Variants in DMPK observed in about 807,000 individuals in gnomAD.
DMPK encodes myotonin-protein kinase.
DMPK carries 32 observed loss-of-function variants against 70.3 expected under a neutral mutation model. That is an observed-to-expected ratio of 0.46 (90% CI 0.34 to 0.61). The LOEUF is 0.61. Ranked by LOEUF, DMPK falls within the 20% of genes least tolerant of loss-of-function variation. DMPK has a pLI of 0.01. For synonymous variants in DMPK, 469 were observed against 390.9 expected, an observed-to-expected ratio of 1.20 and a Z score of -2.36; for missense variants, 899 against 886.0, an observed-to-expected ratio of 1.01 and a Z score of -0.19.
At chr19:45,772,507 T>C in intron 10 of DMPK, 134 bp downstream of exon 10, 1 of 564,952 alleles carries the variant, frequency 1.8e-6, no homozygotes, top group Non-Finnish European at 3.1e-6. Context: ...TGAAGTAACC[T>C]CGTCTCTCCG....
intron 4 of DMPK, chr19:45,778,982 C>G: frequency 3.4e-6 from 2 of 580,590 alleles, no homozygotes; most frequent in Non-Finnish European, 6.1e-6. Flanking sequence ...CGTTAGAATT[C>G]CTGAAGACCT....
intron 1 of DMPK, among the ~76,000 whole-genome samples, chr19:45,781,065 C>T (rs1568587042): frequency 6.6e-6 from 1 of 152,118 alleles, no homozygotes; most frequent in African/African-American, 2.4e-5. Context: ...ATGGCCTGGC[C>T]CTTCTTGGCC....
intron 12 of DMPK, 35 bp downstream of exon 12, chr19:45,771,533 G>A (rs1461149403): frequency 1.9e-6 from 3 of 1,613,172 alleles, no homozygotes; most frequent in Admixed American, 3.3e-5. Context: ...ACCTCCTCCC[G>A]GTCCTCCGGG....
chr19:45,777,143 G>A lies in DMPK; in HGVS notation c.1146+184C>T. 1.2e-6 allele frequency: 1 copy of A among 813,216 alleles called. No individual in the cohort carries two copies. The highest frequency in any genetic ancestry group is 1.8e-6 in the Non-Finnish European group (1 of 541,928). 50.4% of individuals were successfully genotyped at this position (813,216 alleles called of 1,614,324 possible). A position where few individuals can be genotyped will look rare whatever the true frequency, so the allele number is the denominator to read the frequency against. On this transcript the variant is annotated intron_variant, in intron 8 of 14. Transcript: ENST00000291270. This position sits in a 1 kb window ranked among gnomAD's most constrained non-coding sequence, Gnocchi z 6.7. ...GGCCTTACTGTCTGAAGACTGCTCT[G>A]TGTTCCCCCACTGGACTGTAAGTCT...
intron 9 of DMPK, among the ~76,000 whole-genome samples, chr19:45,773,101 C>T (rs1969568089): frequency 6.6e-6 from 1 of 152,166 alleles, no homozygotes; most frequent in Admixed American, 6.5e-5. Context: ...GGGAGGCCGA[C>T]CTGATGGGGA....
chr19:45,771,445 G>A (rs763102565), intron 12 of DMPK, 49 bp from the exon 13 acceptor site: 5 of 1,610,764 alleles, frequency 3.1e-6, no homozygotes, highest in Admixed American at 3.4e-5. Flanking sequence ...GCGAAGGAGG[G>A]CGGTGGCGCG....
intron 14 of DMPK, 99 bp from the exon 15 acceptor site, chr19:45,770,739 G>A: frequency 7.3e-7 from 1 of 1,361,656 alleles, no homozygotes; most frequent in Non-Finnish European, 1.0e-6. Context: ...ACTCTTCCCT[G>A]CGCCCCGCCC....
intron 1 of DMPK, chr19:45,780,735 T>C: frequency 4.6e-6 from 2 of 439,142 alleles, no homozygotes; most frequent in South Asian, 9.0e-5. Context: ...AGAGAGGGGT[T>C]CCGGGGGGTT....
In DMPK at chr19:45,770,106, C is replaced by G; in HGVS notation, c.*382G>C. 1 of 592,736 alleles carries G rather than the reference C, an allele frequency of 1.7e-6. No homozygotes were observed. Among genetic ancestry groups the G allele is most frequent in the Non-Finnish European group, 3.0e-6 (1 of 330,372 alleles). The allele number at this position is 592,736 out of a possible 1,614,324, so 36.7% of individuals were successfully genotyped here. A position where few individuals can be genotyped will look rare whatever the true frequency, so the allele number is the denominator to read the frequency against. On this transcript the variant is annotated 3_prime_UTR_variant, in exon 15 of 15. Transcript: ENST00000291270. The stretch of plus-strand genomic sequence containing the variant: ...AGGTGGGGGTGCGTGGAGGATGGAA[C>G]ACGGACGGCCCGGCTTGCTGCCTTC...
intron 1 of DMPK, chr19:45,780,389 A>G: frequency 6.9e-7 from 1 of 1,451,812 alleles, no homozygotes. Context: ...GGGCTGGGGG[A>G]AGGAACAGGA....
rs528187884 is a variant in DMPK, at chr19:45,777,612, G to A, written c.883-22C>T. ...GCTCCTGCTCAGAGGGAGAGGAGGC[G>A]ATAGCCTGGGAGCGCCTACCGGGAG... On this transcript the variant is annotated intron_variant, in intron 7 of 14. Transcript: ENST00000291270. This position sits in a 1 kb window ranked among gnomAD's most constrained non-coding sequence, Gnocchi z 6.7. 1.7e-5 allele frequency: 27 copies of A among 1,612,998 alleles called. No individual in the cohort carries two copies. The East Asian group carries it at 1.8e-4, about 11-fold the overall frequency.
chr19:45,770,643 G>A lies in DMPK; in HGVS notation c.1738-3C>T, dbSNP rs780491258. 1.3e-6 allele frequency: 2 copies of A among 1,550,778 alleles called. No homozygotes were observed. Among genetic ancestry groups the A allele is most frequent in the Non-Finnish European group, 1.7e-6 (2 of 1,147,126 alleles). On this transcript the variant is annotated splice_polypyrimidine_tract_variant and splice_region_variant and intron_variant, in intron 14 of 14. Transcript: ENST00000291270. The stretch of plus-strand genomic sequence containing the variant: ...TCCGATAGGCCAGGCCTAGGGACCT[G>A]CGGGGAGAGGGCGAGGTCAACACCC...
chr19:45,771,447 G>A lies in DMPK; in HGVS notation c.1601-51C>T, dbSNP rs376190478. ...GGCGCGTGGAGGGGCGAAGGAGGGC[G>A]GTGGCGCGGCGTGCCCCAGCGTGGG... On this transcript the variant is annotated intron_variant, in intron 12 of 14. Transcript: ENST00000291270. 3.7e-4 allele frequency: 596 copies of A among 1,610,488 alleles called. 5 individuals are homozygous for A. The highest frequency in any genetic ancestry group is 7.5e-5 in the Non-Finnish European group (88 of 1,178,362).
At chr19:45,771,120 C>T in intron 13 of DMPK, 60 bp from the exon 14 acceptor site, 1 of 1,346,914 alleles carries the variant, frequency 7.4e-7, no homozygotes, top group Non-Finnish European at 1.0e-6. Flanking sequence ...AGCGGTGGGG[C>T]GAGAGACAGC....
At position 45,771,871 on chromosome 19, in the gene DMPK, G is replaced by C. The variant is rs1264571916; in HGVS notation, c.1402C>G (p.Leu468Val). 1 of 1,588,326 alleles carries C rather than the reference G, an allele frequency of 6.3e-7. No homozygotes were observed. Among genetic ancestry groups the C allele is most frequent in the Non-Finnish European group, 8.6e-7 (1 of 1,167,540 alleles). Residue 468 changes from leucine (L) to valine (V), a missense_variant, in exon 11 of 15, where the codon CTG (leucine) becomes GTG (valine). By Grantham distance (32) the Leu-to-Val change is conservative. This residue lies in a region of DMPK where 555 missense variants were observed against 483.8 expected (regional missense o/e 1.15). Coordinates refer to ENST00000291270, the MANE Select transcript of DMPK (RefSeq NM_004409.5). ...TCCAGGGCTTCCTGGAGCTCCCGCA[G>C]CGTCACCTCGGCCTCAGCCTCTGCC... The part of the protein sequence containing the change: ...PAAEAEAEVT[L>V]RELQEALEEE...
Position 45,770,094 on chromosome 19 carries a change from TGGA to T in DMPK, c.*391_*393del. ...CGAACCAACGATAGGTGGGGGTGCG[TGGA>T]GGATGGAACACGGACGGCCCGGCTT... is the stretch of plus-strand genomic sequence containing the variant. On this transcript the variant is annotated 3_prime_UTR_variant, in exon 15 of 15. Transcript: ENST00000291270. The T allele has an allele frequency of 1.8e-6, 1 of 554,004 alleles. No homozygotes were observed. Among genetic ancestry groups the T allele is most frequent in the African/African-American group, 1.9e-5 (1 of 51,876 alleles). The allele number at this position is 554,004 out of a possible 1,614,324, so 34.3% of individuals were successfully genotyped here. A position where few individuals can be genotyped will look rare whatever the true frequency, so the allele number is the denominator to read the frequency against.
intron 1 of DMPK, chr19:45,780,516 C>T: frequency 9.3e-7 from 1 of 1,080,114 alleles, no homozygotes; most frequent in Non-Finnish European, 1.1e-6. Context: ...AGATGACAAT[C>T]AGGCCTCTCA....
At position 45,779,765 on chromosome 19, in the gene DMPK, C is replaced by T; in HGVS notation, c.252+13G>A. Reference sequence around the variant, plus strand: ...CCACGAGTCAAGTCAGGCTCCCGCCCGGTTCGGCTTACCTCGCTGAACGCC... The same window carrying T: ...CCACGAGTCAAGTCAGGCTCCCGCCTGGTTCGGCTTACCTCGCTGAACGCC... On this transcript the variant is annotated intron_variant, in intron 2 of 14. Transcript: ENST00000291270. 3.9e-6 allele frequency: 6 copies of T among 1,547,358 alleles called. No individual in the cohort carries two copies. Among genetic ancestry groups the T allele is most frequent in the Non-Finnish European group, 5.2e-6 (6 of 1,146,734 alleles).
At position 45,770,401 on chromosome 19, in the gene DMPK, C is replaced by T; in HGVS notation, c.*87G>A. The T allele has an allele frequency of 5.4e-6, 8 of 1,485,914 alleles. No homozygotes were observed. The allele number at this position is 1,485,914 out of a possible 1,614,324, so 92.0% of individuals were successfully genotyped here. A position where few individuals can be genotyped will look rare whatever the true frequency, so the allele number is the denominator to read the frequency against. ...GACCCACGCTCGGAGCGGTTGTGAACTGGCAGGCGGTGGGCGCGGCTTCTG... is the reference window on the plus strand; with the variant it reads ...GACCCACGCTCGGAGCGGTTGTGAATTGGCAGGCGGTGGGCGCGGCTTCTG... On this transcript the variant is annotated 3_prime_UTR_variant, in exon 15 of 15. Coordinates refer to ENST00000291270, the MANE Select transcript of DMPK (RefSeq NM_004409.5).
Sources: allele counts gnomAD v4.1 joint callset (sites outside exome capture counted in the v4.1 genomes callset), GRCh38; gene constraint gnomAD v4.1.1; regional missense constraint gnomAD v4.1.1; non-coding constraint Gnocchi (gnomAD v3.1); transcripts MANE v1.5; gene names NCBI Gene and HGNC (gene_info 2026-07-23, HGNC 2026-07-21).